Variants in CRYL1 observed in about 807,000 individuals in gnomAD.
The protein encoded by CRYL1 is crystallin lambda 1, also known as lambda-crystallin homolog.
In CRYL1, 29 loss-of-function variants were observed where a neutral mutation model predicts 36.6. The ratio of observed to expected loss-of-function variants is 0.79; its 90% confidence interval spans 0.59 to 1.08. The LOEUF (loss-of-function observed/expected upper bound fraction) is 1.08. Among genes scored for constraint, CRYL1 ranks in the 50% least tolerant of loss-of-function variants. The pLI is 0.00. For synonymous variants in CRYL1, 152 were observed against 151.5 expected (o/e 1.00, Z -0.02); for missense variants, 411 against 407.9 (o/e 1.01, Z -0.06).
intron 3 of CRYL1, among the ~76,000 whole-genome samples, chr13:20,451,356 C>G (rs1393998973): frequency 1.3e-5 from 2 of 152,046 alleles, no homozygotes; most frequent in Non-Finnish European, 2.9e-5. Context: ...AAAAAGACAA[C>G]CTATGGATTG....
chr13:20,404,769 C>T, intron 6 of CRYL1, 28 bp from the exon 7 acceptor site: 1 of 1,442,188 alleles, frequency 6.9e-7, no homozygotes. Context: ...CAAGAATCCA[C>T]AATCTCAGAA....
At position 20,414,191 on chromosome 13, in the gene CRYL1, T is replaced by G. The variant is rs1052744833; in HGVS notation, c.634-804A>C. On this transcript the variant is annotated intron_variant, in intron 5 of 7. Transcript: ENST00000298248. ...CTCTGTTTCAAAATAAATAAATAAATAAAAATTAAAAAAATACACACACAC... is the reference window on the plus strand; with the variant it reads ...CTCTGTTTCAAAATAAATAAATAAAGAAAAATTAAAAAAATACACACACAC... 6.2e-5 allele frequency among the ~76,000 whole-genome samples: 6 copies of G among 96,400 alleles called. No homozygotes were observed. In the Admixed American group the frequency reaches 8.1e-4, roughly 13 times the overall value. 63.2% of individuals were successfully genotyped at this position (96,400 alleles called of 152,430 possible). A position where few individuals can be genotyped will look rare whatever the true frequency, so the allele number is the denominator to read the frequency against.
chr13:20,491,533 G>GT (rs1340724985), intron 2 of CRYL1, among the ~76,000 whole-genome samples: 7 of 152,142 alleles, frequency 4.6e-5, no homozygotes, highest in Non-Finnish European at 7.4e-5. Context: ...TCTCACGCCT[G>GT]TAATTCCAGC....
chr13:20,503,496 A>G (rs2033740440), intron 2 of CRYL1, among the ~76,000 whole-genome samples: 1 of 152,176 alleles, frequency 6.6e-6, no homozygotes, highest in South Asian at 2.1e-4. Context: ...GGCTGACCAG[A>G]TGAGGAGGGA....
chr13:20,469,599 C>T (rs2033013264), intron 3 of CRYL1, among the ~76,000 whole-genome samples: 1 of 152,182 alleles, frequency 6.6e-6, no homozygotes, highest in African/African-American at 2.4e-5. Flanking sequence ...CTTTTCCTTC[C>T]TCTAGAATTC....
chr13:20,494,453 C>A (rs1031145029), intron 2 of CRYL1, among the ~76,000 whole-genome samples: 21 of 152,222 alleles, frequency 1.4e-4, no homozygotes, highest in Non-Finnish European at 7.3e-5. Flanking sequence ...TCTCTTAGCG[C>A]CATCATCCCA....
chr13:20,426,829 T>C lies in CRYL1; in HGVS notation c.633+5273A>G, dbSNP rs191452409. ...CTGGAATCTCAGGGCCCCATCCAGA[T>C]GCCCCAGACCACACCCACCCTGACA... On this transcript the variant is annotated intron_variant, in intron 5 of 7. Coordinates refer to ENST00000298248, the MANE Select transcript of CRYL1 (RefSeq NM_015974.3). 8.1e-6 allele frequency: 8 copies of C among 985,502 alleles called. No individual in the cohort carries two copies. In the Admixed American group the frequency reaches 3.7e-4, roughly 45 times the overall value. The allele number at this position is 985,502 out of a possible 1,614,324, so 61.0% of individuals were successfully genotyped here.
At chr13:20,476,410 G>A (rs935183783) in intron 3 of CRYL1, among the ~76,000 whole-genome samples, 2 of 151,730 alleles carry the variant, frequency 1.3e-5, no homozygotes, top group Admixed American at 1.3e-4. Flanking sequence ...CTGGGCAGCA[G>A]GGACTGATAC....
At chr13:20,503,314 G>A (rs754314367) in intron 2 of CRYL1, among the ~76,000 whole-genome samples, 4 of 152,144 alleles carry the variant, frequency 2.6e-5, no homozygotes, top group African/African-American at 4.8e-5. Context: ...CAACAGACAC[G>A]GGCTTTAATA....
chr13:20,427,387 G>A (rs1451721245), intron 5 of CRYL1: 1 of 855,932 alleles, frequency 1.2e-6, no homozygotes, highest in African/African-American at 1.8e-5. Flanking sequence ...CTATCCGGGT[G>A]TCCATTCTAC....
chr13:20,412,075 T>C (rs752493967), intron 6 of CRYL1, among the ~76,000 whole-genome samples: 3 of 151,320 alleles, frequency 2.0e-5, no homozygotes, highest in Non-Finnish European at 4.4e-5. Context: ...GCAGAGGGAG[T>C]TTCCTCTCAA....
chr13:20,429,693 G>C (rs2032012674), intron 5 of CRYL1, among the ~76,000 whole-genome samples: 1 of 152,070 alleles, frequency 6.6e-6, no homozygotes, highest in Non-Finnish European at 1.5e-5. Flanking sequence ...TGGAATACAG[G>C]GCATCCAAGT....
intron 1 of CRYL1, 95 bp from the exon 2 acceptor site, chr13:20,512,645 T>A: frequency 1.2e-6 from 1 of 831,398 alleles, no homozygotes; most frequent in Middle Eastern, 2.3e-4. Flanking sequence ...ATTCACAGTA[T>A]CCTATTCTTA....
chr13:20,436,734 T>G (rs1316317010), intron 4 of CRYL1, among the ~76,000 whole-genome samples: 3 of 152,158 alleles, frequency 2.0e-5, no homozygotes, highest in Non-Finnish European at 4.4e-5. Flanking sequence ...GGCTTCTCTG[T>G]GTGGGCAGAG....
At chr13:20,406,729 G>C (rs914333280) in intron 6 of CRYL1, among the ~76,000 whole-genome samples, 1 of 151,768 alleles carries the variant, frequency 6.6e-6, no homozygotes, top group Admixed American at 6.6e-5. Flanking sequence ...TCCTTTTGGG[G>C]TGGGGGAGGG....
At chr13:20,416,685 GA>G (rs1338361635) in intron 5 of CRYL1, among the ~76,000 whole-genome samples, 2 of 152,206 alleles carry the variant, frequency 1.3e-5, no homozygotes, top group Admixed American at 1.3e-4. Context: ...GGCTCTTTTA[GA>G]ATCGTATTTA....
chr13:20,488,283 G>T lies in CRYL1; in HGVS notation c.276+1087C>A, dbSNP rs138967515. ...CTACGGGTAGAAACAGGTGGCACTG[G>T]GAACTCATTAGGAGCCCTCAGGTCT... On this transcript the variant is annotated intron_variant, in intron 3 of 7. Coordinates refer to ENST00000298248, the MANE Select transcript of CRYL1 (RefSeq NM_015974.3). Among the ~76,000 whole-genome samples the T allele has an allele frequency of 1.3e-4, 20 of 152,142 alleles. No homozygotes were observed. The East Asian group carries it at 3.5e-3, about 26-fold the overall frequency.
intron 2 of CRYL1, among the ~76,000 whole-genome samples, chr13:20,501,647 T>G (rs938233153): frequency 6.6e-6 from 1 of 151,928 alleles, no homozygotes; most frequent in Admixed American, 6.6e-5. Flanking sequence ...AGGAGGTGAG[T>G]CTACCTCATC....
chr13:20,449,384 A>G (rs2032521409), intron 3 of CRYL1, among the ~76,000 whole-genome samples: 1 of 152,216 alleles, frequency 6.6e-6, no homozygotes, highest in Non-Finnish European at 1.5e-5. Context: ...GGTTATTACT[A>G]AAGTTTTAAA....
Sources: gnomAD v4.1 joint callset for allele counts (sites outside exome capture counted in the v4.1 genomes callset) on GRCh38, gnomAD v4.1.1 for gene constraint, MANE v1.5 for transcripts, NCBI Gene and HGNC (gene_info 2026-07-23, HGNC 2026-07-21) for gene names.